The following OGDHL variants were observed in gnomAD, a reference collection of about 807,000 sequenced individuals.
The protein encoded by OGDHL is 2-oxoglutarate dehydrogenase-like, mitochondrial.
A neutral mutation model predicts 109.6 loss-of-function variants in OGDHL; 79 were observed. That is an observed-to-expected ratio of 0.72 (90% CI 0.60 to 0.87). The LOEUF (loss-of-function observed/expected upper bound fraction) is 0.87, where lower values mean the gene tolerates loss of function less well. Ranked by LOEUF, OGDHL falls within the 40% of genes least tolerant of loss-of-function variation. OGDHL has a pLI of 0.00. For missense variants in OGDHL, 1,275 were observed against 1,362.2 expected, an observed-to-expected ratio of 0.94 and a Z score of 1.01; for synonymous variants, 528 against 537.2, an observed-to-expected ratio of 0.98 and a Z score of 0.24.
chr10:49,751,617 C>T (rs1408364739), intron 6 of OGDHL, among the ~76,000 whole-genome samples: 5 of 152,228 alleles, frequency 3.3e-5, no homozygotes, highest in Admixed American at 3.3e-4. Context: ...GAGCCTCATC[C>T]CTGCCCACCT....
Position 49,752,644 on chromosome 10 carries a change from T to C in OGDHL, c.472A>G (p.Lys158Glu). 1 of 1,613,992 alleles carries C rather than the reference T, an allele frequency of 6.2e-7. No individual in the cohort carries two copies. The highest frequency in any genetic ancestry group is 8.5e-7 in the Non-Finnish European group (1 of 1,179,830). ...TCCTGAGGAAGGGTCTTACCCAGTT[T>C]ATCAATGGTTGTGATCAAGTCTGAG... Reference protein sequence around the residue: ...VPSDLITTIDKLAFYDLQEAD... With the variant: ...VPSDLITTIDELAFYDLQEAD... The change falls in exon 4 of 23, where the codon AAA becomes GAA. Residue 158 changes from lysine to glutamate, a missense_variant. Transcript: ENST00000374103.
chr10:49,736,631 G>A, intron 20 of OGDHL, 111 bp from the exon 21 acceptor site: 2 of 1,203,766 alleles, frequency 1.7e-6, no homozygotes, highest in Non-Finnish European at 2.3e-6. Flanking sequence ...CTAACTGCAG[G>A]TTTGGACTTG....
chr10:49,752,786 C>A, intron 3 of OGDHL, 46 bp from the exon 4 acceptor site: 1 of 1,371,734 alleles, frequency 7.3e-7, no homozygotes. Flanking sequence ...CCCAGCTGGA[C>A]AGACCTCCTC....
chr10:49,758,582 A>T lies in OGDHL; in HGVS notation c.11T>A (p.Leu4Gln). The T allele has an allele frequency of 6.2e-7, 1 of 1,613,826 alleles. No individual in the cohort carries two copies. The highest frequency in any genetic ancestry group is 1.1e-5 in the South Asian group (1 of 91,074). Reference protein sequence around the residue: MSQLRLLPSRLGVQ... With the variant: MSQQRLLPSRLGVQ... ...CCCAAGACGGGACGGCAGCAGCCTC[A>T]GCTGACTCATTCTGGACACAGGCAA... The change falls in exon 2 of 23, where the codon CTG becomes CAG. Residue 4 changes from leucine to glutamine, a missense_variant. By Grantham distance (113) the Leu-to-Gln change is moderately radical. Coordinates refer to ENST00000374103, the MANE Select transcript of OGDHL (RefSeq NM_018245.3).
rs75372646 is a variant in OGDHL at position 49,736,114 on chromosome 10, C to T, written c.2818G>A (p.Ala940Thr). 2,074 of 1,612,092 alleles carry T rather than the reference C, an allele frequency of 1.3e-3. 13 individuals are homozygous for T. In the African/African-American group the frequency reaches 0.014, roughly 11 times the overall value. The change falls in exon 22 of 23, where the codon GCC becomes ACC. Residue 940 changes from alanine to threonine, a missense_variant. Transcript: ENST00000374103. ...EAEKYPGAEL[A>T]WCQEEHKNMG... Reference sequence around the variant, plus strand: ...TTCTTGTGCTCCTCCTGACACCAGGCCAGCTCCGCACCTGGGTACTTCTCT... The same window carrying T: ...TTCTTGTGCTCCTCCTGACACCAGGTCAGCTCCGCACCTGGGTACTTCTCT...
Position 49,736,516 on chromosome 10 carries a change from G to A in OGDHL, c.2595C>T (p.Thr865=), listed in dbSNP as rs1399369493. The change falls in exon 21 of 23, where the codon ACC becomes ACT. Residue 865 remains threonine, a synonymous_variant. Transcript: ENST00000374103. ...KSSFDQMVSG[T]SFQRVIPEDG... is the part of the protein sequence containing the mutation. ...CTTCAGGAATCACCCGCTGGAAGCT[G>A]GTCCCTGAGGGACCAACAGGACATG... is the stretch of plus-strand genomic sequence containing the variant. The A allele has an allele frequency of 2.5e-6, 4 of 1,612,964 alleles. No homozygotes were observed. Among genetic ancestry groups the A allele is most frequent in the South Asian group, 2.2e-5 (2 of 91,062 alleles).
In OGDHL at chr10:49,739,745, G is replaced by C; in HGVS notation, c.2235C>G (p.Ile745Met). 6.2e-7 allele frequency: 1 copy of C among 1,614,156 alleles called. No individual in the cohort carries two copies. Among genetic ancestry groups the C allele is most frequent in the Non-Finnish European group, 8.5e-7 (1 of 1,180,006 alleles). Residue 745 changes from isoleucine (I) to methionine (M), a missense_variant, in exon 17 of 23, where the codon ATC becomes ATG. Transcript: ENST00000374103. The part of the protein sequence containing the change: ...GDFHNTAQCI[I>M]DQFISTGQAK... ...CCTGGCCGGTGCTGATGAACTGGTC[G>C]ATGATGCACTGGGCCGTGTTGTGGA... is the stretch of plus-strand genomic sequence containing the variant.
rs148662182 is a variant in OGDHL, at chr10:49,735,441, C to T, written c.2910-90G>A. 1.7e-4 allele frequency: 253 copies of T among 1,461,140 alleles called. No individual in the cohort carries two copies. In the East Asian group the frequency reaches 5.7e-3, roughly 33 times the overall value. 90.5% of individuals were successfully genotyped at this position (1,461,140 alleles called of 1,614,324 possible). A position where few individuals can be genotyped will look rare whatever the true frequency, so the allele number is the denominator to read the frequency against. ...CTCCGGGACTGCAGGGGGCACGCAT[C>T]TGAGAACCGCTGACCTCGAAGCCAT... On this transcript the variant is annotated intron_variant, in intron 22 of 22. Coordinates refer to ENST00000374103, the MANE Select transcript of OGDHL (RefSeq NM_018245.3).
Position 49,745,458 on chromosome 10 carries a change from C to T in OGDHL, c.1515G>A (p.Glu505=), listed in dbSNP as rs201318125. Residue 505 remains glutamate, a synonymous_variant, in exon 12 of 23, where the codon GAG becomes GAA. Coordinates refer to ENST00000374103, the MANE Select transcript of OGDHL (RefSeq NM_018245.3). ...ACATGAGCGGCTGGGTGAACATGGG[C>T]TCGTCCATCTCATTGTGGCCACGCC... ...YRRRGHNEMD[E]PMFTQPLMYK... 209 of 1,614,130 alleles carry T rather than the reference C, an allele frequency of 1.3e-4. 2 individuals carry two copies. The Admixed American group carries it at 3.4e-3, about 27-fold the overall frequency.
Position 49,736,060 on chromosome 10 carries a change from G to A in OGDHL, c.2872C>T (p.Arg958Cys), listed in dbSNP as rs139919321. 136 of 1,606,598 alleles carry A rather than the reference G, an allele frequency of 8.5e-5. No individual in the cohort carries two copies. Among genetic ancestry groups the A allele is most frequent in the East Asian group, 6.7e-5 (3 of 44,868 alleles). The change falls in exon 22 of 23, where the codon CGC (arginine) becomes TGC (cysteine). Residue 958 changes from arginine (R) to cysteine (C), a missense_variant. Physicochemically the swap from Arg to Cys is radical, Grantham distance 180. Coordinates refer to ENST00000374103, the MANE Select transcript of OGDHL (RefSeq NM_018245.3). ...GCGCGCCTCAGGATGGTCATGAAGC[G>A]TGGGCTGATGTAGTCATAGTAGCCC... Reference protein sequence around the residue: ...NMGYYDYISPRFMTILRRARP... With the variant: ...NMGYYDYISPCFMTILRRARP...
chr10:49,739,679 G>A lies in OGDHL; in HGVS notation c.2301C>T (p.Pro767=). ...VRHNGIVLLL[P]HGMEGMGPEH... ...CCCTCACCATGCCTTCCATGCCATG[G>A]GGCAGCAGCAGCACAATGCCATTAT... Residue 767 remains proline, a synonymous_variant, in exon 17 of 23, where the codon CCC becomes CCT. Coordinates refer to ENST00000374103, the MANE Select transcript of OGDHL (RefSeq NM_018245.3). 1 of 1,613,654 alleles carries A rather than the reference G, an allele frequency of 6.2e-7. No homozygotes were observed. The highest frequency in any genetic ancestry group is 8.5e-7 in the Non-Finnish European group (1 of 1,179,768).
chr10:49,736,607 C>A, intron 20 of OGDHL, 87 bp from the exon 21 acceptor site: 1 of 1,422,586 alleles, frequency 7.0e-7, no homozygotes. Flanking sequence ...CCAGGCTCTC[C>A]TTAGCCACTG....
chr10:49,749,761 A>G lies in OGDHL; in HGVS notation c.952T>C (p.Cys318Arg). The stretch of plus-strand genomic sequence containing the variant: ...GCCTCCAGCTTGGGGTCAAACTGGC[A>G]GAAGATCTGCTCCAGGTCCTTGCGG... ...VIRKDLEQIF[C>R]QFDPKLEAAD... The change falls in exon 8 of 23, where the codon TGC (cysteine) becomes CGC (arginine). Residue 318 changes from cysteine (C) to arginine (R), a missense_variant. Physicochemically the swap from Cys to Arg is radical, Grantham distance 180 (BLOSUM62 -3). Coordinates refer to ENST00000374103, the MANE Select transcript of OGDHL (RefSeq NM_018245.3). The G allele has an allele frequency of 6.2e-7, 1 of 1,601,128 alleles. No individual in the cohort carries two copies. Among genetic ancestry groups the G allele is most frequent in the Non-Finnish European group, 8.5e-7 (1 of 1,177,054 alleles).
intron 20 of OGDHL, among the ~76,000 whole-genome samples, chr10:49,737,201 G>A (rs1235284424): frequency 6.6e-6 from 1 of 152,158 alleles, no homozygotes; most frequent in East Asian, 1.9e-4. Flanking sequence ...CACCTGCACA[G>A]AGGGGACATC....
chr10:49,752,687 G>T lies in OGDHL; in HGVS notation c.429C>A (p.Asp143Glu), dbSNP rs1842685820. The change falls in exon 4 of 23, where the codon GAC (aspartate) becomes GAA (glutamate). Residue 143 changes from aspartate to glutamate, a missense_variant. Transcript: ENST00000374103. ...QLDPLGILDADLDSFVPSDLI... is the reference protein window; with the variant it reads ...QLDPLGILDAELDSFVPSDLI... ...AGTCTGAGGGCACAAAGGAGTCCAG[G>T]TCTGCATCCAGAATGCCCAGGGGGT... is the stretch of plus-strand genomic sequence containing the variant. 1 of 1,614,084 alleles carries T rather than the reference G, an allele frequency of 6.2e-7. No individual in the cohort carries two copies. Among genetic ancestry groups the T allele is most frequent in the South Asian group, 1.1e-5 (1 of 91,086 alleles).
At chr10:49,756,682 G>T in intron 3 of OGDHL, 94 bp downstream of exon 3, 1 of 1,239,184 alleles carries the variant, frequency 8.1e-7, no homozygotes, top group Non-Finnish European at 1.1e-6. Flanking sequence ...TCTCTGGGGA[G>T]ATGATGTTGG....
chr10:49,739,677 T>C lies in OGDHL; in HGVS notation c.2303A>G (p.His768Arg). 1.9e-6 allele frequency: 3 copies of C among 1,613,576 alleles called. No individual in the cohort carries two copies. Among genetic ancestry groups the C allele is most frequent in the Non-Finnish European group, 2.5e-6 (3 of 1,179,724 alleles). ...AGCCCTCACCATGCCTTCCATGCCA[T>C]GGGGCAGCAGCAGCACAATGCCATT... ...RHNGIVLLLPHGMEGMGPEHS... is the reference protein window; with the variant it reads ...RHNGIVLLLPRGMEGMGPEHS... Residue 768 changes from histidine (H) to arginine (R), a missense_variant, in exon 17 of 23, where the codon CAT (histidine) becomes CGT (arginine). By Grantham distance (29) the His-to-Arg change is conservative (BLOSUM62 0). Coordinates refer to ENST00000374103, the MANE Select transcript of OGDHL (RefSeq NM_018245.3).
intron 8 of OGDHL, among the ~76,000 whole-genome samples, chr10:49,748,502 T>A (rs1215983484): frequency 1.3e-5 from 2 of 152,206 alleles, no homozygotes; most frequent in Non-Finnish European, 2.9e-5. Context: ...TTTTGTTGTT[T>A]TCACAATGAT....
At position 49,736,368 on chromosome 10, in the gene OGDHL, G is replaced by A. The variant is rs369736232; in HGVS notation, c.2743C>T (p.Arg915Cys). The A allele has an allele frequency of 3.0e-5, 49 of 1,614,024 alleles. No individual in the cohort carries two copies. Among genetic ancestry groups the A allele is most frequent in the East Asian group, 8.9e-5 (4 of 44,884 alleles). Residue 915 changes from arginine (R) to cysteine (C), a missense_variant, in exon 21 of 23, where the codon CGC becomes TGC. Arg to Cys is a radical substitution (Grantham distance 180). Transcript: ENST00000374103. ...QDLEEKVAIT[R>C]LEQISPFPFD... Reference sequence around the variant, plus strand: ...GGGTTCAGGCACACCTGCTCCAGGCGCGTGATGGCCACTTTCTCCTCCAGG... The same window carrying A: ...GGGTTCAGGCACACCTGCTCCAGGCACGTGATGGCCACTTTCTCCTCCAGG...
Sources: gnomAD v4.1 joint callset for allele counts (sites outside exome capture counted in the v4.1 genomes callset) on GRCh38, gnomAD v4.1.1 for gene constraint, MANE v1.5 for transcripts, NCBI Gene and HGNC (gene_info 2026-07-23, HGNC 2026-07-21) for gene names.